RAB5A: variants seen among roughly 807,000 people sequenced by gnomAD.
RAB5A encodes RAB5A, member RAS oncogene family, also known as ras-related protein Rab-5A.
In RAB5A, 8 loss-of-function variants were observed where a neutral mutation model predicts 25.7. The observed-to-expected ratio is 0.31, with a 90% CI of 0.18 to 0.56. The LOEUF is 0.56. RAB5A is among the 20% of genes least tolerant of loss of function. The probability of loss-of-function intolerance (pLI) is 0.91; values close to 1 mark genes in which losing one functional copy is unlikely to be tolerated. For missense variants in RAB5A, 192 were observed against 259.7 expected (o/e 0.74, Z 1.79); for synonymous variants, 98 against 89.8 (o/e 1.09, Z -0.52).
chr3:19,964,240 T>C (rs987500922), intron 2 of RAB5A, among the ~76,000 whole-genome samples: 35 of 152,378 alleles, frequency 2.3e-4, no homozygotes, highest in African/African-American at 8.2e-4. Context: ...TAGATACTTA[T>C]ATATCTACCT....
At chr3:19,963,368 C>CA in intron 2 of RAB5A, among the ~76,000 whole-genome samples, 1 of 32,514 alleles carries the variant, frequency 3.1e-5, no homozygotes, top group East Asian at 7.1e-4. Flanking sequence ...AATTTCACCC[C>CA]CCCCCCCCCC....
rs1365830385 is a variant in RAB5A at position 19,984,097 on chromosome 3, G to C, written c.*274G>C. 1.5e-5 allele frequency: 6 copies of C among 413,716 alleles called. No homozygotes were observed. 25.6% of individuals were successfully genotyped at this position (413,716 alleles called of 1,614,324 possible). A position where few individuals can be genotyped will look rare whatever the true frequency, so the allele number is the denominator to read the frequency against. On this transcript the variant is annotated 3_prime_UTR_variant, in exon 6 of 6. Coordinates refer to ENST00000273047, the MANE Select transcript of RAB5A (RefSeq NM_004162.5). Reference sequence around the variant, plus strand: ...AGGGGGAATAATTTCTCATCACTAGGAATATAGACAAATGACTGTCTGGGC... The same window carrying C: ...AGGGGGAATAATTTCTCATCACTAGCAATATAGACAAATGACTGTCTGGGC...
intron 2 of RAB5A, among the ~76,000 whole-genome samples, chr3:19,954,904 G>A (rs1333847099): frequency 2.0e-5 from 3 of 152,122 alleles, no homozygotes; most frequent in Admixed American, 6.5e-5. Context: ...ATTGCGTGCC[G>A]TAGATTTAGC....
intron 2 of RAB5A, among the ~76,000 whole-genome samples, chr3:19,963,364 A>ACCCCCCCCCCC (rs201742105): frequency 6.6e-5 from 4 of 60,960 alleles, no homozygotes; most frequent in Non-Finnish European, 8.6e-5. Flanking sequence ...TTAGAATTTC[A>ACCCCCCCCCCC]CCCCCCCCCC....
intron 4 of RAB5A, among the ~76,000 whole-genome samples, chr3:19,977,861 G>A (rs1228397940): frequency 6.6e-6 from 1 of 152,208 alleles, no homozygotes; most frequent in Non-Finnish European, 1.5e-5. Flanking sequence ...TTATAATATT[G>A]CTGTAGAAGT....
At chr3:19,959,900 T>A (rs986688633) in intron 2 of RAB5A, among the ~76,000 whole-genome samples, 8 of 152,044 alleles carry the variant, frequency 5.3e-5, no homozygotes, top group Non-Finnish European at 8.8e-5. Flanking sequence ...TGCTGAGATA[T>A]AGCCATGAGC....
At chr3:19,957,837 T>G (rs770831821) in intron 2 of RAB5A, among the ~76,000 whole-genome samples, 1 of 152,222 alleles carries the variant, frequency 6.6e-6, no homozygotes, top group South Asian at 2.1e-4. Flanking sequence ...AATATACATA[T>G]GTATATATTG....
At chr3:19,948,222 A>G (rs1045176119) in intron 1 of RAB5A, among the ~76,000 whole-genome samples, 1 of 152,334 alleles carries the variant, frequency 6.6e-6, no homozygotes, top group Admixed American at 6.5e-5. Context: ...GAGACTTTCA[A>G]ACTTGTTAAG....
intron 2 of RAB5A, among the ~76,000 whole-genome samples, chr3:19,967,366 A>T (rs910007449): frequency 1.3e-5 from 2 of 152,042 alleles, no homozygotes; most frequent in African/African-American, 4.8e-5. Flanking sequence ...GCTGATCTTG[A>T]ACTCCTGACC....
intron 2 of RAB5A, among the ~76,000 whole-genome samples, chr3:19,965,121 C>T (rs1035055047): frequency 6.6e-6 from 1 of 152,156 alleles, no homozygotes; most frequent in East Asian, 1.9e-4. Flanking sequence ...GGGGTTTCAC[C>T]ATGTTGGCCA....
chr3:19,962,617 C>T lies in RAB5A; in HGVS notation c.163+11556C>T, dbSNP rs140968441. 2.3e-4 allele frequency among the ~76,000 whole-genome samples: 35 copies of T among 151,946 alleles called. No homozygotes were observed. In the East Asian group the frequency reaches 4.7e-3, roughly 20 times the overall value. On this transcript the variant is annotated intron_variant, in intron 2 of 5. Coordinates refer to ENST00000273047, the MANE Select transcript of RAB5A (RefSeq NM_004162.5). ...GTAAGACCTATCTATATCAAAAGAA[C>T]GTCCGCATTTTTCTTGGCTGTAACA...
chr3:19,973,757 CA>C (rs1273688264), intron 2 of RAB5A, among the ~76,000 whole-genome samples: 1 of 152,006 alleles, frequency 6.6e-6, no homozygotes, highest in African/African-American at 2.4e-5. Context: ...TTGCAAAATT[CA>C]GAAGATTTTA....
In RAB5A at chr3:19,978,360, C is replaced by T. The variant is rs75047421; in HGVS notation, c.489C>T (p.Ser163=). Residue 163 remains serine (S), a synonymous_variant, in exon 5 of 6, where the codon TCC becomes TCT. Coordinates refer to ENST00000273047, the MANE Select transcript of RAB5A (RefSeq NM_004162.5). ...ATAGTTTATTATTCATGGAGACATC[C>T]GCTAAAACATCAATGAATGTAAATG... ...DDNSLLFMET[S]AKTSMNVNEI... 2.9e-5 allele frequency: 46 copies of T among 1,609,826 alleles called. No homozygotes were observed. In the African/African-American group the frequency reaches 3.9e-4, roughly 14 times the overall value.
Position 19,978,420 on chromosome 3 carries a change from T to C in RAB5A, c.532+17T>C, listed in dbSNP as rs1247375464. On this transcript the variant is annotated intron_variant, in intron 5 of 5. Transcript: ENST00000273047. ...TGGCAATAGGTAAGATTAATATCTCTTTTTAAATGATCAATATAAGCAAAA... is the reference window on the plus strand; with the variant it reads ...TGGCAATAGGTAAGATTAATATCTCCTTTTAAATGATCAATATAAGCAAAA... The C allele has an allele frequency of 1.3e-6, 2 of 1,515,616 alleles. No homozygotes were observed. Among genetic ancestry groups the C allele is most frequent in the Admixed American group, 1.8e-5 (1 of 56,832 alleles). 93.9% of individuals were successfully genotyped at this position (1,515,616 alleles called of 1,614,324 possible).
chr3:19,975,192 C>T (rs796859334), intron 2 of RAB5A, among the ~76,000 whole-genome samples: 8 of 148,090 alleles, frequency 5.4e-5, no homozygotes, highest in Admixed American at 4.1e-4. Flanking sequence ...CGCCCCTGCA[C>T]TCTAGTCTGA....
chr3:19,980,391 A>G (rs1696900948), intron 5 of RAB5A, among the ~76,000 whole-genome samples: 1 of 151,958 alleles, frequency 6.6e-6, no homozygotes, highest in African/African-American at 2.4e-5. Context: ...TTAAAAGAAA[A>G]TCTATGTTGT....
At chr3:19,963,063 C>T (rs1374432622) in intron 2 of RAB5A, among the ~76,000 whole-genome samples, 1 of 152,128 alleles carries the variant, frequency 6.6e-6, no homozygotes, top group Non-Finnish European at 1.5e-5. Flanking sequence ...CCTACCTTGA[C>T]CTCCCAAAGT....
At chr3:19,954,489 G>A (rs954034678) in intron 2 of RAB5A, among the ~76,000 whole-genome samples, 35 of 152,118 alleles carry the variant, frequency 2.3e-4, no homozygotes, top group African/African-American at 8.2e-4. Flanking sequence ...TCTGTAATTT[G>A]TGTGGTTCTT....
chr3:19,976,212 G>C lies in RAB5A; in HGVS notation c.438+43G>C, dbSNP rs113268567. ...CTCATTTGAAAGGCACTTTTTTCCT[G>C]TATGTTTTTCTTTCATGTCAACACT... is the stretch of plus-strand genomic sequence containing the variant. On this transcript the variant is annotated intron_variant, in intron 4 of 5. Coordinates refer to ENST00000273047, the MANE Select transcript of RAB5A (RefSeq NM_004162.5). 1.5e-5 allele frequency: 24 copies of C among 1,574,796 alleles called. No individual in the cohort carries two copies. In the African/African-American group the frequency reaches 2.2e-4, roughly 14 times the overall value.
Sources: allele counts gnomAD v4.1 joint callset (sites outside exome capture counted in the v4.1 genomes callset), GRCh38; gene constraint gnomAD v4.1.1; transcripts MANE v1.5; gene names NCBI Gene and HGNC (gene_info 2026-07-23, HGNC 2026-07-21).